The following ZNF568 variants were observed in gnomAD, a reference collection of about 807,000 sequenced individuals.
ZNF568 encodes zinc finger protein 568.
In ZNF568, 11 loss-of-function variants were observed where a neutral mutation model predicts 18.1. That is an observed-to-expected ratio of 0.61 (90% CI 0.38 to 1.00). The LOEUF (loss-of-function observed/expected upper bound fraction) is 1.00, where lower values mean the gene tolerates loss of function less well. Ranked by LOEUF, ZNF568 falls within the 50% of genes least tolerant of loss-of-function variation. ZNF568 has a pLI of 0.01. For missense variants in ZNF568, 639 were observed against 768.2 expected, an observed-to-expected ratio of 0.83 and a Z score of 1.99; for synonymous variants, 213 against 246.6, an observed-to-expected ratio of 0.86 and a Z score of 1.28.
rs537771042 is a variant in ZNF568, at chr19:36,924,365, C to T, written c.77-835C>T. ...TCCCAAGTAGCTGGGACTACAGGCGCACGCCACTACGCCCAGCGAATTTTT... is the reference window on the plus strand; with the variant it reads ...TCCCAAGTAGCTGGGACTACAGGCGTACGCCACTACGCCCAGCGAATTTTT... On this transcript the variant is annotated intron_variant, in intron 3 of 6. Coordinates refer to ENST00000333987, the MANE Select transcript of ZNF568 (RefSeq NM_198539.4). Among the ~76,000 whole-genome samples the T allele has an allele frequency of 6.6e-5, 10 of 151,724 alleles. No individual in the cohort carries two copies. In the East Asian group the frequency reaches 8.0e-4, roughly 12 times the overall value.
rs1231258025 is a variant in ZNF568 at position 36,996,710 on chromosome 19, A to G, written c.623A>G (p.His208Arg). ...CAGACGCTTCATGAAAGCAAAAAAC[A>G]TAGTGAAAATAACAAATGTGCCTTT... The change falls in exon 5 of 5, where the codon CAT becomes CGT. Residue 208 changes from histidine to arginine, a missense_variant. By Grantham distance (29) the His-to-Arg change is conservative (BLOSUM62 0). Coordinates refer to the ZNF568 transcript ENST00000433993. 8 of 1,536,422 alleles carry G rather than the reference A, an allele frequency of 5.2e-6. No homozygotes were observed. In the Admixed American group the frequency reaches 1.6e-4, roughly 30 times the overall value.
At chr19:36,996,473 T>C (rs2074473148) in exon 5 of ZNF568, 1 of 1,536,364 alleles carries the variant, frequency 6.5e-7, no homozygotes, top group Non-Finnish European at 8.7e-7. Flanking sequence ...AGACCAGCTG[T>C]AATACCATTT....
chr19:36,961,841 C>T (rs371218264), intron 6 of ZNF568, among the ~76,000 whole-genome samples: 11 of 150,848 alleles, frequency 7.3e-5, no homozygotes, highest in South Asian at 2.1e-4. Flanking sequence ...TATTCACATA[C>T]GAAGCTTTGT....
At chr19:36,922,184 T>A (rs540472) in intron 2 of ZNF568, among the ~76,000 whole-genome samples, 87,715 of 152,020 alleles carry the variant, frequency 0.58, 26,086 homozygotes, top group African/African-American at 0.7. Flanking sequence ...TGCAGTCAAG[T>A]TGTCAGCCGG....
At position 36,950,503 on chromosome 19, in the gene ZNF568, A is replaced by T. The variant is rs1229458402; in HGVS notation, c.1350A>T (p.Glu450Asp). Reference sequence around the variant, plus strand: ...CTGAGAAACCCTATGAATGTAAGGAATGTGGAAAAGCCTTCAGCAGGAAAG... The same window carrying T: ...CTGAGAAACCCTATGAATGTAAGGATTGTGGAAAAGCCTTCAGCAGGAAAG... ...HTAEKPYECK[E>D]CGKAFSRKEN... Residue 450 changes from glutamate to aspartate, a missense_variant, in exon 7 of 7, where the codon GAA (glutamate) becomes GAT (aspartate). Transcript: ENST00000333987. The T allele has an allele frequency of 1.2e-6, 2 of 1,613,862 alleles. No individual in the cohort carries two copies. The highest frequency in any genetic ancestry group is 2.7e-5 in the African/African-American group (2 of 74,898).
At chr19:36,946,919 T>G (rs573696739) in intron 6 of ZNF568, among the ~76,000 whole-genome samples, 1 of 152,254 alleles carries the variant, frequency 6.6e-6, no homozygotes, top group South Asian at 2.1e-4. Flanking sequence ...GTGCTGGGAT[T>G]ACAGGCTTGA....
chr19:36,950,432 T>C lies in ZNF568; in HGVS notation c.1279T>C (p.Phe427Leu). Residue 427 changes from phenylalanine to leucine, a missense_variant, in exon 7 of 7, where the codon TTC (phenylalanine) becomes CTC (leucine). Coordinates refer to ENST00000333987, the MANE Select transcript of ZNF568 (RefSeq NM_198539.4). ...PYVCSECGKA[F>L]SQSSSLTVHM... ...TGTATGTAGTGAATGTGGGAAAGCCTTCTCTCAGAGTTCATCCCTAACCGT... is the reference window on the plus strand; with the variant it reads ...TGTATGTAGTGAATGTGGGAAAGCCCTCTCTCAGAGTTCATCCCTAACCGT... The C allele has an allele frequency of 6.2e-7, 1 of 1,613,310 alleles. No individual in the cohort carries two copies. Among genetic ancestry groups the C allele is most frequent in the East Asian group, 2.2e-5 (1 of 44,844 alleles).
downstream of ZNF568, among the ~76,000 whole-genome samples, chr19:36,981,630 G>A (rs956784017): frequency 4.6e-5 from 7 of 152,056 alleles, no homozygotes; most frequent in South Asian, 2.1e-4. Flanking sequence ...ACCCCAACAC[G>A]TAAGGAGACC....
intron 6 of ZNF568, among the ~76,000 whole-genome samples, chr19:36,965,929 AC>A (rs2074191213): frequency 6.6e-6 from 1 of 151,338 alleles, no homozygotes; most frequent in Middle Eastern, 3.4e-3. Context: ...CAAACTCCTG[AC>A]CTCAGGTGAT....
chr19:36,923,421 C>T (rs1181177994), intron 3 of ZNF568, among the ~76,000 whole-genome samples: 1 of 151,966 alleles, frequency 6.6e-6, no homozygotes, highest in African/African-American at 2.4e-5. Flanking sequence ...TTCTTTTGGG[C>T]TAGTCAGTTT....
At chr19:36,962,281 T>G (rs1276290464) in intron 6 of ZNF568, among the ~76,000 whole-genome samples, 1 of 117,608 alleles carries the variant, frequency 8.5e-6, no homozygotes, top group Non-Finnish European at 1.6e-5. Context: ...TGCAGTGTTT[T>G]TTTTTTTTTT....
chr19:36,976,356 C>G (rs2074285199), intron 7 of ZNF568: 1 of 152,006 alleles, frequency 6.6e-6, no homozygotes. Context: ...ACATAACAAC[C>G]CTATTAGACA....
At chr19:36,957,300 C>T (rs938023530), downstream of ZNF568, among the ~76,000 whole-genome samples, 11 of 140,336 alleles carry the variant, frequency 7.8e-5, no homozygotes, top group South Asian at 2.3e-4. Context: ...GGCGCGATCT[C>T]GGCTCACTGC....
At chr19:36,959,609 T>A (rs1185964459) in intron 6 of ZNF568, among the ~76,000 whole-genome samples, 1 of 152,188 alleles carries the variant, frequency 6.6e-6, no homozygotes, top group Non-Finnish European at 1.5e-5. Flanking sequence ...TTGTATGGTA[T>A]AATTTGGCTG....
chr19:36,985,987 G>A (rs560128423), intron 2 of ZNF568, among the ~76,000 whole-genome samples: 1 of 152,196 alleles, frequency 6.6e-6, no homozygotes, highest in East Asian at 1.9e-4. Context: ...ATAGATTCTT[G>A]AGGCCTGATT....
intron 2 of ZNF568, among the ~76,000 whole-genome samples, chr19:36,987,842 G>GTGTGTGTGTGTGTGTGTA (rs1189895543): frequency 2.0e-5 from 3 of 151,760 alleles, no homozygotes; most frequent in African/African-American, 7.3e-5. Flanking sequence ...GTGTGTGTGT[G>GTGTGTGTGTGTGTGTGTA]TGTGTGTGTT....
chr19:36,996,705 A>G, exon 5 of ZNF568: 1 of 1,536,398 alleles, frequency 6.5e-7, no homozygotes, highest in Non-Finnish European at 8.7e-7. Flanking sequence ...ATGAAAGCAA[A>G]AAACATAGTG....
At chr19:36,986,672 G>A in intron 2 of ZNF568, among the ~76,000 whole-genome samples, 1 of 152,162 alleles carries the variant, frequency 6.6e-6, no homozygotes, top group African/African-American at 2.4e-5. Context: ...TGCATGCTAG[G>A]TAAGAGTTAT....
chr19:36,980,063 A>G (rs1401997375), downstream of ZNF568: 2 of 150,180 alleles, frequency 1.3e-5, no homozygotes, highest in Non-Finnish European at 3.0e-5. Flanking sequence ...TAATTTTTCT[A>G]TTGATTTTTA....
Sources: allele counts gnomAD v4.1 joint callset (sites outside exome capture counted in the v4.1 genomes callset), GRCh38; gene constraint gnomAD v4.1.1; transcripts MANE v1.5; gene names NCBI Gene and HGNC (gene_info 2026-07-23, HGNC 2026-07-21).